The following ZNF770 variants were observed in gnomAD, a reference collection of about 807,000 sequenced individuals.
ZNF770 encodes the protein zinc finger protein 770.
Under a neutral mutation model 44.8 loss-of-function variants are expected in ZNF770, and 13 were observed. That is an observed-to-expected ratio of 0.29 (90% CI 0.19 to 0.46). The LOEUF (loss-of-function observed/expected upper bound fraction) is 0.46. Ranked by LOEUF, ZNF770 falls within the 20% of genes least tolerant of loss-of-function variation. The pLI is 1.00. For synonymous variants in ZNF770, 304 were observed against 271.8 expected (o/e 1.12, Z -1.17); for missense variants, 681 against 797.9 (o/e 0.85, Z 1.77).
chr15:34,983,293 T>C lies in ZNF770; in HGVS notation c.142A>G (p.Ile48Val). Residue 48 changes from isoleucine (I) to valine (V), a missense_variant, in exon 3 of 3, where the codon ATT becomes GTT. Transcript: ENST00000356321. ...TCAAATGGCTTTTGACCAGTATGAA[T>C]GAGATAGTGCCTAGCTAATTTTGAT... Reference protein sequence around the residue: ...TPSKLARHYLIHTGQKPFECD... With the variant: ...TPSKLARHYLVHTGQKPFECD... 1 of 1,610,742 alleles carries C rather than the reference T, an allele frequency of 6.2e-7. No individual in the cohort carries two copies. Among genetic ancestry groups the C allele is most frequent in the Non-Finnish European group, 8.5e-7 (1 of 1,177,090 alleles).
rs1167449811 is a variant in ZNF770, at chr15:34,983,429, C to A, written c.6G>T (p.Met2Ile). ...TTAGCATTTTTAAATTGTTTTCAGC[C>A]ATCATATTCTTCAATGATATACTCT... M[M>I]AENNLKMLKI... is the part of the protein sequence containing the mutation. The change falls in exon 3 of 3, where the codon ATG becomes ATT. Residue 2 changes from methionine (M) to isoleucine (I), a missense_variant. Physicochemically the swap from Met to Ile is conservative, Grantham distance 10 (BLOSUM62 1). Around this residue, in one of 5 missense-constraint regions of ZNF770, gnomAD observed 65 missense variants for 115.0 expected, o/e 0.57. Coordinates refer to ENST00000356321, the MANE Select transcript of ZNF770 (RefSeq NM_014106.4). 6.5e-7 allele frequency: 1 copy of A among 1,545,910 alleles called. No individual in the cohort carries two copies. Among genetic ancestry groups the A allele is most frequent in the East Asian group, 2.3e-5 (1 of 44,118 alleles).
At chr15:34,985,755 G>A (rs1595374866) in intron 2 of ZNF770, among the ~76,000 whole-genome samples, 1 of 152,056 alleles carries the variant, frequency 6.6e-6, no homozygotes, top group African/African-American at 2.4e-5. Flanking sequence ...TTAGCTGAGT[G>A]TGGTGGTACA....
chr15:34,979,960 C>T lies in ZNF770; in HGVS notation c.*1399G>A, dbSNP rs1231568139. 1 of 205,732 alleles carries T rather than the reference C, an allele frequency of 4.9e-6. No individual in the cohort carries two copies. The highest frequency in any genetic ancestry group is 1.7e-4 in the East Asian group (1 of 5,804). 12.7% of individuals were successfully genotyped at this position (205,732 alleles called of 1,614,324 possible). ...CATAACAGTTCTATTTGGAATGATA[C>T]CCACAACTCTACAAGCATCTTATCC... On this transcript the variant is annotated 3_prime_UTR_variant, in exon 3 of 3. Coordinates refer to ENST00000356321, the MANE Select transcript of ZNF770 (RefSeq NM_014106.4).
Position 34,980,541 on chromosome 15 carries a change from G to C in ZNF770, c.*818C>G, listed in dbSNP as rs2050394136. 6.6e-6 allele frequency: 1 copy of C among 152,244 alleles called. No homozygotes were observed. The highest frequency in any genetic ancestry group is 1.5e-5 in the Non-Finnish European group (1 of 68,086). The allele number at this position is 152,244 out of a possible 1,614,324, so 9.4% of individuals were successfully genotyped here. ...TGCCTGTAATCCCAGCACTTTGGGA[G>C]GCCGATGCGGGTGAGTCACAAGGTC... On this transcript the variant is annotated 3_prime_UTR_variant, in exon 3 of 3. Coordinates refer to ENST00000356321, the MANE Select transcript of ZNF770 (RefSeq NM_014106.4).
chr15:34,979,543 T>G lies in ZNF770; in HGVS notation c.*1816A>C. 4.9e-6 allele frequency: 2 copies of G among 407,060 alleles called. No homozygotes were observed. The highest frequency in any genetic ancestry group is 9.8e-6 in the Non-Finnish European group (2 of 205,100). The allele number at this position is 407,060 out of a possible 1,614,324, so 25.2% of individuals were successfully genotyped here. ...TCTACATAATAAACAGGCACACTTC[T>G]ACATCACTGGGTATTTTACTCAGAC... On this transcript the variant is annotated 3_prime_UTR_variant, in exon 3 of 3. Transcript: ENST00000356321.
Position 34,981,458 on chromosome 15 carries a change from G to C in ZNF770, c.1977C>G (p.Gly659=), listed in dbSNP as rs1214831761. 2 of 1,614,128 alleles carry C rather than the reference G, an allele frequency of 1.2e-6. No homozygotes were observed. Among genetic ancestry groups the C allele is most frequent in the East Asian group, 2.2e-5 (1 of 44,888 alleles). ...AGTGAGGAGCCTGTCTGAATGTTTT[G>C]CCACAAACTGAGCATTCAAATGGTT... is the stretch of plus-strand genomic sequence containing the variant. The part of the protein sequence containing the change: ...GQKPFECSVC[G]KTFRQAPHWK... Residue 659 remains glycine, a synonymous_variant, in exon 3 of 3, where the codon GGC becomes GGG. Transcript: ENST00000356321.
Position 34,978,845 on chromosome 15 carries a change from T to C in ZNF770, c.*2514A>G, listed in dbSNP as rs547886103. ...GTATACTCAAGTCCCTTACATAAAA[T>C]GACATATTTGTATATAACCAACGCA... is the stretch of plus-strand genomic sequence containing the variant. On this transcript the variant is annotated 3_prime_UTR_variant, in exon 3 of 3. Coordinates refer to ENST00000356321, the MANE Select transcript of ZNF770 (RefSeq NM_014106.4). The C allele has an allele frequency of 2.0e-5, 3 of 152,322 alleles. No homozygotes were observed. Among genetic ancestry groups the C allele is most frequent in the African/African-American group, 7.2e-5 (3 of 41,566 alleles). The allele number at this position is 152,322 out of a possible 1,614,324, so 9.4% of individuals were successfully genotyped here. A position where few individuals can be genotyped will look rare whatever the true frequency, so the allele number is the denominator to read the frequency against.
intron 2 of ZNF770, among the ~76,000 whole-genome samples, chr15:34,986,438 C>T (rs1235456519): frequency 2.0e-5 from 3 of 152,032 alleles, no homozygotes; most frequent in Admixed American, 2.0e-4. Flanking sequence ...CTAAACATGC[C>T]GATACAGAGC....
rs180802439 is a variant in ZNF770 at position 34,984,641 on chromosome 15, A to C, written c.-56-1151T>G. Among the ~76,000 whole-genome samples the C allele has an allele frequency of 1.3e-3, 193 of 149,184 alleles. 5 individuals carry two copies. Among genetic ancestry groups the C allele is most frequent in the Admixed American group, 0.012 (181 of 14,928 alleles). ...CCATTGCAATCCAGCCTGGGTGAGA[A>C]TCCATCTCAAAAAAAAAAAAAAAAT... On this transcript the variant is annotated intron_variant, in intron 2 of 2. Transcript: ENST00000356321.
Position 34,979,817 on chromosome 15 carries a change from T to C in ZNF770, c.*1542A>G, listed in dbSNP as rs114766388. ...TCTTTTCAGCTTAGAAACATAACGG[T>C]TCATTCCTTTTATTGCTAGAGAATG... On this transcript the variant is annotated 3_prime_UTR_variant, in exon 3 of 3. Coordinates refer to ENST00000356321, the MANE Select transcript of ZNF770 (RefSeq NM_014106.4). 0.024 allele frequency: 7,859 copies of C among 332,406 alleles called. 146 individuals are homozygous for C. The highest frequency in any genetic ancestry group is 0.079 in the Middle Eastern group (207 of 2,614). 20.6% of individuals were successfully genotyped at this position (332,406 alleles called of 1,614,324 possible).
At position 34,982,504 on chromosome 15, in the gene ZNF770, C is replaced by A; in HGVS notation, c.931G>T (p.Glu311Ter). 6.2e-7 allele frequency: 1 copy of A among 1,613,956 alleles called. No homozygotes were observed. Among genetic ancestry groups the A allele is most frequent in the South Asian group, 1.1e-5 (1 of 91,058 alleles). Residue 311 changes from glutamate to a stop codon, truncating the protein, a stop_gained, in exon 3 of 3, where the codon GAA (glutamate) becomes TAA (stop). Coordinates refer to ENST00000356321, the MANE Select transcript of ZNF770 (RefSeq NM_014106.4). LOFTEE classifies it high-confidence loss of function. ...CTTCTAGCAGCAAAACAGCTGTGTT[C>A]ATTGAGAATCTGCTCTGATTCAAAA... ...KCFESEQILN[E>*]HSCFAARSGK...
At position 34,980,942 on chromosome 15, in the gene ZNF770, T is replaced by C. The variant is rs1322385161; in HGVS notation, c.*417A>G. On this transcript the variant is annotated 3_prime_UTR_variant, in exon 3 of 3. Coordinates refer to ENST00000356321, the MANE Select transcript of ZNF770 (RefSeq NM_014106.4). ...CATATGAAATGTAAAATAAATCAAA[T>C]ATAACAGGGCTATGTGCTGCAGCTA... The C allele has an allele frequency of 6.4e-6, 1 of 156,224 alleles. No individual in the cohort carries two copies. The highest frequency in any genetic ancestry group is 1.9e-4 in the East Asian group (1 of 5,284). The allele number at this position is 156,224 out of a possible 1,614,324, so 9.7% of individuals were successfully genotyped here. A position where few individuals can be genotyped will look rare whatever the true frequency, so the allele number is the denominator to read the frequency against.
Position 34,982,281 on chromosome 15 carries a change from A to C in ZNF770, c.1154T>G (p.Phe385Cys), listed in dbSNP as rs1440213736. ...TCCATGTTTGCCAAGAGAACCCACAAATGTTCTCTGGGTTTGTTCAGAGCT... is the reference window on the plus strand; with the variant it reads ...TCCATGTTTGCCAAGAGAACCCACACATGTTCTCTGGGTTTGTTCAGAGCT... ...EQSSEQTQRT[F>C]VGSLGKHGTY... The change falls in exon 3 of 3, where the codon TTT becomes TGT. Residue 385 changes from phenylalanine to cysteine, a missense_variant. Phe to Cys is a radical substitution (Grantham distance 205). Around this residue, in one of 5 missense-constraint regions of ZNF770, gnomAD observed 432 missense variants for 434.1 expected, o/e 1.00. Coordinates refer to ENST00000356321, the MANE Select transcript of ZNF770 (RefSeq NM_014106.4). 1.2e-6 allele frequency: 2 copies of C among 1,613,702 alleles called. No individual in the cohort carries two copies. The highest frequency in any genetic ancestry group is 1.7e-6 in the Non-Finnish European group (2 of 1,179,914).
At position 34,983,431 on chromosome 15, in the gene ZNF770, T is replaced by C. The variant is rs1424527743; in HGVS notation, c.4A>G (p.Met2Val). The change falls in exon 3 of 3, where the codon ATG becomes GTG. Residue 2 changes from methionine (M) to valine (V), a missense_variant. Around this residue, in one of 5 missense-constraint regions of ZNF770, gnomAD observed 65 missense variants for 115.0 expected, o/e 0.57. Transcript: ENST00000356321. The stretch of plus-strand genomic sequence containing the variant: ...AGCATTTTTAAATTGTTTTCAGCCA[T>C]CATATTCTTCAATGATATACTCTGA... Reference protein sequence around the residue: MMAENNLKMLKI... With the variant: MVAENNLKMLKI... 1.3e-6 allele frequency: 2 copies of C among 1,544,542 alleles called. No homozygotes were observed. The highest frequency in any genetic ancestry group is 1.7e-6 in the Non-Finnish European group (2 of 1,144,494).
rs2050388773 is a variant in ZNF770 at position 34,979,758 on chromosome 15, T to G, written c.*1601A>C. On this transcript the variant is annotated 3_prime_UTR_variant, in exon 3 of 3. Coordinates refer to ENST00000356321, the MANE Select transcript of ZNF770 (RefSeq NM_014106.4). ...TCTCAATAGAGGATTTTCCACTATA[T>G]TTAAGTATGGCAGGATAATTACCCA... 2.3e-6 allele frequency: 1 copy of G among 427,380 alleles called. No homozygotes were observed. Among genetic ancestry groups the G allele is most frequent in the Non-Finnish European group, 4.7e-6 (1 of 214,592 alleles). 26.5% of individuals were successfully genotyped at this position (427,380 alleles called of 1,614,324 possible). A position where few individuals can be genotyped will look rare whatever the true frequency, so the allele number is the denominator to read the frequency against.
chr15:34,978,978 T>A lies in ZNF770; in HGVS notation c.*2381A>T, dbSNP rs1209492389. 1.3e-5 allele frequency: 2 copies of A among 152,630 alleles called. No individual in the cohort carries two copies. The highest frequency in any genetic ancestry group is 4.8e-5 in the African/African-American group (2 of 41,470). 9.5% of individuals were successfully genotyped at this position (152,630 alleles called of 1,614,324 possible). A position where few individuals can be genotyped will look rare whatever the true frequency, so the allele number is the denominator to read the frequency against. ...TTTGTATTATTTTTATTTTTTCTAATATTTTTGATCTGCAATTGGTTTAAT... is the reference window on the plus strand; with the variant it reads ...TTTGTATTATTTTTATTTTTTCTAAAATTTTTGATCTGCAATTGGTTTAAT... On this transcript the variant is annotated 3_prime_UTR_variant, in exon 3 of 3. Transcript: ENST00000356321.
rs148085641 is a variant in ZNF770, at chr15:34,982,842, C to T, written c.593G>A (p.Arg198Gln). The T allele has an allele frequency of 1.6e-5, 26 of 1,613,564 alleles. No individual in the cohort carries two copies. The highest frequency in any genetic ancestry group is 6.7e-5 in the East Asian group (3 of 44,890). ...FKCVLCTKSF[R>Q]QSTHLKIHQL... ...GTGGATTTTTAAGTGAGTTGACTGTCGAAAAGATTTAGTACACAAGACACA... is the reference window on the plus strand; with the variant it reads ...GTGGATTTTTAAGTGAGTTGACTGTTGAAAAGATTTAGTACACAAGACACA... The change falls in exon 3 of 3, where the codon CGA becomes CAA. Residue 198 changes from arginine to glutamine, a missense_variant. Arg to Gln is a conservative substitution (Grantham distance 43, BLOSUM62 1). Transcript: ENST00000356321.
At chr15:34,985,053 G>A (rs375904508) in intron 2 of ZNF770, among the ~76,000 whole-genome samples, 6 of 150,768 alleles carry the variant, frequency 4.0e-5, no homozygotes, top group African/African-American at 1.5e-4. Context: ...ATAATTGCTT[G>A]AACTGGGGAG....
At position 34,983,455 on chromosome 15, in the gene ZNF770, G is replaced by T; in HGVS notation, c.-21C>A. 1 of 1,517,708 alleles carries T rather than the reference G, an allele frequency of 6.6e-7. No individual in the cohort carries two copies. The allele number at this position is 1,517,708 out of a possible 1,614,324, so 94.0% of individuals were successfully genotyped here. On this transcript the variant is annotated 5_prime_UTR_variant, in exon 3 of 3. Transcript: ENST00000356321. Reference sequence around the variant, plus strand: ...ATCATATTCTTCAATGATATACTCTGATGAGCTCCATACTGTTCTTAAATT... The same window carrying T: ...ATCATATTCTTCAATGATATACTCTTATGAGCTCCATACTGTTCTTAAATT...
Sources: allele counts gnomAD v4.1 joint callset (sites outside exome capture counted in the v4.1 genomes callset), GRCh38; gene constraint gnomAD v4.1.1; regional missense constraint gnomAD v4.1.1; transcripts MANE v1.5; gene names NCBI Gene and HGNC (gene_info 2026-07-23, HGNC 2026-07-21).